Variants in UNC13B observed in about 807,000 individuals in gnomAD.
The protein encoded by UNC13B is unc-13 homolog B.
UNC13B carries 144 observed loss-of-function variants against 211.0 expected under a neutral mutation model. The ratio of observed to expected loss-of-function variants is 0.68; its 90% CI spans 0.60 to 0.78. UNC13B has a LOEUF of 0.78. Ranked by LOEUF, UNC13B falls within the 30% of genes least tolerant of loss-of-function variation. UNC13B has a pLI of 0.00. For synonymous variants in UNC13B, 709 were observed against 725.8 expected (o/e 0.98, Z 0.37); for missense variants, 1,777 against 2,002.0 (o/e 0.89, Z 2.14).
intron 11 of UNC13B, among the ~76,000 whole-genome samples, chr9:35,354,505 C>T (rs1005875367): frequency 6.6e-6 from 1 of 152,176 alleles, no homozygotes; most frequent in East Asian, 1.9e-4. Context: ...TCCATCTCCC[C>T]CTAAAAGCTG....
chr9:35,382,362 T>C lies in UNC13B; in HGVS notation c.10661T>C (p.Phe3554Ser), dbSNP rs1250880019. Residue 3554 changes from phenylalanine (F) to serine (S), a missense_variant, in exon 21 of 40, where the codon TTT (phenylalanine) becomes TCT (serine). Physicochemically the swap from Phe to Ser is radical, Grantham distance 155. Transcript: ENST00000635942. ...GCGGGTGCTGTGTTTTTCAGGCACTTTGCATGTTTATCATCCAAGTACATG... is the reference window on the plus strand; with the variant it reads ...GCGGGTGCTGTGTTTTTCAGGCACTCTGCATGTTTATCATCCAAGTACATG... ...IESIYQAMTH[F>S]ACLSSKYMCP... 1.2e-6 allele frequency: 2 copies of C among 1,611,688 alleles called. No individual in the cohort carries two copies. The highest frequency in any genetic ancestry group is 1.1e-5 in the South Asian group (1 of 90,300).
At chr9:35,386,088 G>A (rs1343754951) in intron 23 of UNC13B, 77 bp from the exon 24 acceptor site, 9 of 1,593,582 alleles carry the variant, frequency 5.6e-6, no homozygotes, top group Non-Finnish European at 7.7e-6. Context: ...TCTAGAGTAG[G>A]TTTGGGGTAG....
intron 5 of UNC13B, 88 bp downstream of exon 5, chr9:35,237,914 C>T (rs1478965606): frequency 7.5e-7 from 1 of 1,339,294 alleles, no homozygotes; most frequent in Non-Finnish European, 1.0e-6. Context: ...TATTTTGTCA[C>T]CTCAGCCATC....
intron 1 of UNC13B, among the ~76,000 whole-genome samples, chr9:35,174,967 C>T (rs1821542492): frequency 6.6e-6 from 1 of 152,192 alleles, no homozygotes; most frequent in South Asian, 2.1e-4. Context: ...GCCACCGTGC[C>T]CTGCCATTTG....
intron 1 of UNC13B, among the ~76,000 whole-genome samples, chr9:35,165,940 G>A (rs568905103): frequency 3.9e-5 from 6 of 152,024 alleles, no homozygotes; most frequent in Admixed American, 1.3e-4. Context: ...TGGTATTCAC[G>A]ACCAAGTTTC....
chr9:35,187,299 C>T (rs969720114), intron 1 of UNC13B, among the ~76,000 whole-genome samples: 1 of 152,198 alleles, frequency 6.6e-6, no homozygotes. Flanking sequence ...GCAGATGTTG[C>T]AGGATAATTG....
chr9:35,394,511 G>A (rs778550459), intron 26 of UNC13B, among the ~76,000 whole-genome samples: 24 of 152,150 alleles, frequency 1.6e-4, no homozygotes, highest in Non-Finnish European at 2.9e-4. Context: ...CAGGAGAATT[G>A]CTTGAACCCA....
intron 11 of UNC13B, among the ~76,000 whole-genome samples, chr9:35,344,971 C>A (rs1159597144): frequency 6.6e-6 from 1 of 152,120 alleles, no homozygotes; most frequent in Admixed American, 6.6e-5. Flanking sequence ...AAAACAAAGT[C>A]CCTGCTCATG....
rs1163059063 is a variant in UNC13B, at chr9:35,370,536, A to G, written c.9540+140A>G. The G allele has an allele frequency of 1.4e-5, 10 of 730,020 alleles. No individual in the cohort carries two copies. The East Asian group carries it at 2.8e-4, about 21-fold the overall frequency. The allele number at this position is 730,020 out of a possible 1,614,324, so 45.2% of individuals were successfully genotyped here. ...GATCAATCATTTAAAGCCTTCGGAG[A>G]CTTAGCAGTGGCTTCACAGGGACTG... On this transcript the variant is annotated intron_variant, in intron 13 of 39. Coordinates refer to ENST00000635942, the MANE Select transcript of UNC13B (RefSeq NM_001371189.2).
intron 6 of UNC13B, among the ~76,000 whole-genome samples, chr9:35,251,960 A>C (rs1488882421): frequency 6.6e-6 from 1 of 151,746 alleles, no homozygotes; most frequent in Admixed American, 6.6e-5. Context: ...CAAAGTGCTG[A>C]GTTTACAAGC....
At chr9:35,192,891 C>A (rs1822733950) in intron 1 of UNC13B, among the ~76,000 whole-genome samples, 1 of 152,176 alleles carries the variant, frequency 6.6e-6, no homozygotes, top group African/African-American at 2.4e-5. Context: ...TTTTCACCTT[C>A]CTTTTGGTGT....
intron 1 of UNC13B, among the ~76,000 whole-genome samples, chr9:35,165,280 AAAG>A (rs1053097769): frequency 8.5e-5 from 13 of 152,338 alleles, no homozygotes; most frequent in Admixed American, 7.2e-4. Context: ...AGCTTAACAT[AAAG>A]AAGAACAGTT....
chr9:35,372,196 C>T (rs113899594), intron 13 of UNC13B, among the ~76,000 whole-genome samples: 9 of 152,262 alleles, frequency 5.9e-5, no homozygotes, highest in South Asian at 2.1e-4. Context: ...CGCTTGAACC[C>T]GGGAGGCGGA....
rs1391182571 is a variant in UNC13B at position 35,306,819 on chromosome 9, TA to T, written c.7417del (p.Ile2473LeufsTer71). ...VTKVKSFSGS[L>X]IEPPKTLSGL... The stretch of plus-strand genomic sequence containing the variant: ...AAAGTGAAATCTTTCTCTGGGAGCT[TA>T]ATTGAACCTCCCAAAACACTCTCTG... On this transcript the variant is annotated frameshift_variant, in exon 9 of 40. Transcript: ENST00000635942. LOFTEE classifies it high-confidence loss of function. 4 of 398,926 alleles carry T rather than the reference TA, an allele frequency of 1.0e-5. No individual in the cohort carries two copies. The highest frequency in any genetic ancestry group is 8.2e-5 in the African/African-American group (4 of 48,634). 24.7% of individuals were successfully genotyped at this position (398,926 alleles called of 1,614,324 possible). A position where few individuals can be genotyped will look rare whatever the true frequency, so the allele number is the denominator to read the frequency against.
intron 11 of UNC13B, among the ~76,000 whole-genome samples, chr9:35,336,107 C>T (rs1195063289): frequency 6.6e-6 from 1 of 152,138 alleles, no homozygotes; most frequent in East Asian, 1.9e-4. Flanking sequence ...TAGTTAATCT[C>T]ATCCATGTCC....
At position 35,330,926 on chromosome 9, in the gene UNC13B, G is replaced by T. The variant is rs143481278; in HGVS notation, c.9414+16937G>T. On this transcript the variant is annotated intron_variant, in intron 11 of 39. Transcript: ENST00000635942. ...AACCTGTCCAGAGTTAGAGAAAAGG[G>T]TATCAGATACTGGCTGCGGGCCTTA... 5.3e-5 allele frequency among the ~76,000 whole-genome samples: 8 copies of T among 152,284 alleles called. No individual in the cohort carries two copies. The East Asian group carries it at 1.4e-3, about 26-fold the overall frequency.
In UNC13B at chr9:35,377,659, G is replaced by A; in HGVS notation, c.10027G>A (p.Gly3343Ser). The A allele has an allele frequency of 6.2e-7, 1 of 1,614,164 alleles. No individual in the cohort carries two copies. Residue 3343 changes from glycine (G) to serine (S), a missense_variant, in exon 16 of 40, where the codon GGC becomes AGC. Coordinates refer to ENST00000635942, the MANE Select transcript of UNC13B (RefSeq NM_001371189.2). ...MKTVKQSVLD[G>S]TSKWSAKITI... Reference sequence around the variant, plus strand: ...AACAGTGAAGCAGAGTGTACTGGATGGCACCTCCAAATGGTCAGCCAAGAT... The same window carrying A: ...AACAGTGAAGCAGAGTGTACTGGATAGCACCTCCAAATGGTCAGCCAAGAT...
chr9:35,199,035 AG>A (rs1175997990), intron 1 of UNC13B, among the ~76,000 whole-genome samples: 1 of 152,088 alleles, frequency 6.6e-6, no homozygotes, highest in East Asian at 1.9e-4. Flanking sequence ...GACAGGCCCC[AG>A]TGTGTGATGT....
chr9:35,251,680 C>A (rs891874017), intron 6 of UNC13B, among the ~76,000 whole-genome samples: 7 of 151,570 alleles, frequency 4.6e-5, no homozygotes. Flanking sequence ...TAAAAAAAAA[C>A]CACAATGCCA....
Sources: gnomAD v4.1 joint callset for allele counts (sites outside exome capture counted in the v4.1 genomes callset) on GRCh38, gnomAD v4.1.1 for gene constraint, MANE v1.5 for transcripts, NCBI Gene and HGNC (gene_info 2026-07-23, HGNC 2026-07-21) for gene names.